SHISA8: variants seen among roughly 807,000 people sequenced by gnomAD.
SHISA8 encodes shisa family member 8, also known as protein shisa-8.
A neutral mutation model predicts 21.1 loss-of-function variants in SHISA8; 21 were observed. The observed-to-expected ratio is 0.99, with a 90% CI of 0.71 to 1.43. The LOEUF is 1.43. Ranked by LOEUF, SHISA8 falls within the 40% of genes most tolerant of loss-of-function variation. The pLI is 0.00. For synonymous variants in SHISA8, 300 were observed against 291.4 expected, an observed-to-expected ratio of 1.03 and a Z score of -0.30; for missense variants, 535 against 599.1, an observed-to-expected ratio of 0.89 and a Z score of 1.12.
chr22:41,910,656 C>A lies in SHISA8; in HGVS notation c.665-102G>T. On this transcript the variant is annotated intron_variant, in intron 2 of 3. Transcript: ENST00000621082. The surrounding 1 kb of genome is among the most constrained non-coding windows in gnomAD (Gnocchi z 6.8). Reference sequence around the variant, plus strand: ...TCTCCCCGAGGCCGTTCGGTGAGAACCTGGGGGACCGTTCTCCGGGCGAGG... The same window carrying A: ...TCTCCCCGAGGCCGTTCGGTGAGAAACTGGGGGACCGTTCTCCGGGCGAGG... 8.5e-7 allele frequency: 1 copy of A among 1,181,328 alleles called. No homozygotes were observed. Among genetic ancestry groups the A allele is most frequent in the Non-Finnish European group, 1.1e-6 (1 of 949,216 alleles). 73.2% of individuals were successfully genotyped at this position (1,181,328 alleles called of 1,614,324 possible).
chr22:41,914,631 G>T lies in SHISA8; in HGVS notation c.37C>A (p.Arg13Ser). Residue 13 changes from arginine to serine, a missense_variant, in exon 1 of 4, where the codon CGC becomes AGC. Transcript: ENST00000621082. The surrounding 1 kb of genome is among the most constrained non-coding windows in gnomAD (Gnocchi z 6.8). ...GCGAGCCGGAGGCCGGGAGGACGGC[G>T]GCCGCCGAGCAGTCCCCGCGCCCCG... ...RAGARGLLGG[R>S]RPPGLRLALA... 9.6e-7 allele frequency: 1 copy of T among 1,045,980 alleles called. No individual in the cohort carries two copies. 64.8% of individuals were successfully genotyped at this position (1,045,980 alleles called of 1,614,324 possible).
rs1166408642 is a variant in SHISA8, at chr22:41,910,249, G to C, written c.812-102C>G. On this transcript the variant is annotated intron_variant, in intron 3 of 3. Transcript: ENST00000621082. This position sits in a 1 kb window ranked among gnomAD's most constrained non-coding sequence, Gnocchi z 6.8. ...GGACTGGGACGGGGACCGGGCCGGG[G>C]CGGGCCGGGGGCGGGGCCCGCTGGG... 5.7e-6 allele frequency: 7 copies of C among 1,224,350 alleles called. No homozygotes were observed. Among genetic ancestry groups the C allele is most frequent in the Non-Finnish European group, 6.1e-6 (6 of 981,842 alleles). The allele number at this position is 1,224,350 out of a possible 1,614,324, so 75.8% of individuals were successfully genotyped here.
Position 41,910,533 on chromosome 22 carries a change from G to A in SHISA8, c.686C>T (p.Ala229Val), listed in dbSNP as rs2077544043. Residue 229 changes from alanine to valine, a missense_variant, in exon 3 of 4, where the codon GCG (alanine) becomes GTG (valine). By Grantham distance (64) the Ala-to-Val change is moderately conservative. Coordinates refer to ENST00000621082, the MANE Select transcript of SHISA8 (RefSeq NM_001207020.3). This position sits in a 1 kb window ranked among gnomAD's most constrained non-coding sequence, Gnocchi z 6.8. Reference sequence around the variant, plus strand: ...CCCCGGGGCGGCCGACCCCCGGGGCGCGTTGTTGAGGCGCTTCTTGTCTGG... The same window carrying A: ...CCCCGGGGCGGCCGACCCCCGGGGCACGTTGTTGAGGCGCTTCTTGTCTGG... ...NSADKKRLNN[A>V]PRGSAAPGPP... The A allele has an allele frequency of 1.6e-6, 2 of 1,242,206 alleles. No homozygotes were observed. Among genetic ancestry groups the A allele is most frequent in the East Asian group, 3.2e-5 (1 of 31,122 alleles). 76.9% of individuals were successfully genotyped at this position (1,242,206 alleles called of 1,614,324 possible).
Position 41,910,365 on chromosome 22 carries a change from CGTGCGCCCAG to C in SHISA8, c.811+33_811+42del, listed in dbSNP as rs146103768. The C allele has an allele frequency of 0.14, 181,353 of 1,274,404 alleles. 14,629 individuals are homozygous for C. The highest frequency in any genetic ancestry group is 0.32 in the Admixed American group (7,736 of 23,816). The allele number at this position is 1,274,404 out of a possible 1,614,324, so 78.9% of individuals were successfully genotyped here. ...CCCCGCGCTTCGCAGTCCGGGAGCTCGTGCGCCCAGGTGCCCTGACGCTGCCCGCACCCGC... is the reference window on the plus strand; with the variant it reads ...CCCCGCGCTTCGCAGTCCGGGAGCTCGTGCCCTGACGCTGCCCGCACCCGC... On this transcript the variant is annotated intron_variant, in intron 3 of 3. Transcript: ENST00000621082. This position sits in a 1 kb window ranked among gnomAD's most constrained non-coding sequence, Gnocchi z 6.8.
At chr22:41,913,438 T>C (rs2077564366) in intron 1 of SHISA8, among the ~76,000 whole-genome samples, 1 of 151,880 alleles carries the variant, frequency 6.6e-6, no homozygotes, top group African/African-American at 2.4e-5. Context: ...ACACATAGAG[T>C]CCTAGAGTCC....
Position 41,914,497 on chromosome 22 carries a change from G to GC in SHISA8, c.170dup (p.Asp58ArgfsTer310), listed in dbSNP as rs1267497564. ...CGTCGTAGTAGCCGCGGCAGCGGTC[G>GC]CCCCCCTCCGGGGCTGTCGTGCCGG... On this transcript the variant is annotated frameshift_variant, in exon 1 of 4. Coordinates refer to ENST00000621082, the MANE Select transcript of SHISA8 (RefSeq NM_001207020.3). LOFTEE classifies it high-confidence loss of function. The surrounding 1 kb of genome is among the most constrained non-coding windows in gnomAD (Gnocchi z 6.8). The GC allele has an allele frequency of 1.6e-6, 2 of 1,281,594 alleles. No homozygotes were observed. Among genetic ancestry groups the GC allele is most frequent in the Non-Finnish European group, 9.9e-7 (1 of 1,012,426 alleles). 79.4% of individuals were successfully genotyped at this position (1,281,594 alleles called of 1,614,324 possible).
chr22:41,910,203 T>C lies in SHISA8; in HGVS notation c.812-56A>G. The C allele has an allele frequency of 8.2e-7, 1 of 1,225,756 alleles. No individual in the cohort carries two copies. The highest frequency in any genetic ancestry group is 1.0e-6 in the Non-Finnish European group (1 of 984,988). 75.9% of individuals were successfully genotyped at this position (1,225,756 alleles called of 1,614,324 possible). A position where few individuals can be genotyped will look rare whatever the true frequency, so the allele number is the denominator to read the frequency against. On this transcript the variant is annotated intron_variant, in intron 3 of 3. Coordinates refer to ENST00000621082, the MANE Select transcript of SHISA8 (RefSeq NM_001207020.3). The surrounding 1 kb of genome is among the most constrained non-coding windows in gnomAD (Gnocchi z 6.8). ...CGCGCCGAGCACCCAAGCTCAGGAC[T>C]GGACAAGGGGTCCCGGCCGGGGACT...
At chr22:41,911,167 C>T (rs973323620) in intron 2 of SHISA8, 49 bp downstream of exon 2, 1 of 1,255,702 alleles carries the variant, frequency 8.0e-7, no homozygotes, top group Non-Finnish European at 1.0e-6. Flanking sequence ...GCCTCTCACG[C>T]CCCTCCGCGT....
rs1481363867 is a variant in SHISA8, at chr22:41,910,530, G to C, written c.689C>G (p.Pro230Arg). Reference protein sequence around the residue: ...SADKKRLNNAPRGSAAPGPPR... With the variant: ...SADKKRLNNARRGSAAPGPPR... ...GGGCCCCGGGGCGGCCGACCCCCGGGGCGCGTTGTTGAGGCGCTTCTTGTC... is the reference window on the plus strand; with the variant it reads ...GGGCCCCGGGGCGGCCGACCCCCGGCGCGCGTTGTTGAGGCGCTTCTTGTC... Residue 230 changes from proline to arginine, a missense_variant, in exon 3 of 4, where the codon CCC becomes CGC. Pro to Arg is a moderately radical substitution (Grantham distance 103). Coordinates refer to ENST00000621082, the MANE Select transcript of SHISA8 (RefSeq NM_001207020.3). This position sits in a 1 kb window ranked among gnomAD's most constrained non-coding sequence, Gnocchi z 6.8. The C allele has an allele frequency of 8.0e-7, 1 of 1,242,890 alleles. No individual in the cohort carries two copies. Among genetic ancestry groups the C allele is most frequent in the African/African-American group, 1.6e-5 (1 of 63,964 alleles). 77.0% of individuals were successfully genotyped at this position (1,242,890 alleles called of 1,614,324 possible).
Position 41,914,487 on chromosome 22 carries a change from G to A in SHISA8, c.181C>T (p.Arg61Cys). ...TGGCCCATCACGTCGTAGTAGCCGC[G>A]GCAGCGGTCGCCCCCCTCCGGGGCT... Reference protein sequence around the residue: ...TTAPEGGDRCRGYYDVMGQWD... With the variant: ...TTAPEGGDRCCGYYDVMGQWD... The change falls in exon 1 of 4, where the codon CGC (arginine) becomes TGC (cysteine). Residue 61 changes from arginine (R) to cysteine (C), a missense_variant. Coordinates refer to ENST00000621082, the MANE Select transcript of SHISA8 (RefSeq NM_001207020.3). This position sits in a 1 kb window ranked among gnomAD's most constrained non-coding sequence, Gnocchi z 6.8. 1 of 1,295,852 alleles carries A rather than the reference G, an allele frequency of 7.7e-7. No individual in the cohort carries two copies. The highest frequency in any genetic ancestry group is 9.8e-7 in the Non-Finnish European group (1 of 1,019,208). The allele number at this position is 1,295,852 out of a possible 1,614,324, so 80.3% of individuals were successfully genotyped here. A position where few individuals can be genotyped will look rare whatever the true frequency, so the allele number is the denominator to read the frequency against.
chr22:41,911,453 C>G, intron 1 of SHISA8, 104 bp from the exon 2 acceptor site: 5 of 1,186,104 alleles, frequency 4.2e-6, no homozygotes, highest in Non-Finnish European at 5.3e-6. Flanking sequence ...TTCTTTCGGC[C>G]TCTCCAGGCC....
In SHISA8 at chr22:41,910,890, G is replaced by A. The variant is rs1418735006; in HGVS notation, c.664+326C>T. Among the ~76,000 whole-genome samples, 4 of 152,060 alleles carry A rather than the reference G, an allele frequency of 2.6e-5. No homozygotes were observed. The highest frequency in any genetic ancestry group is 6.5e-5 in the Admixed American group (1 of 15,274). ...CTGAGGAACAGAACCCAGACGGGGC[G>A]TGGGGGCTGCCAAGCCTGCCTGCCT... On this transcript the variant is annotated intron_variant, in intron 2 of 3. Transcript: ENST00000621082. The surrounding 1 kb of genome is among the most constrained non-coding windows in gnomAD (Gnocchi z 6.8).
chr22:41,911,451 G>A (rs1322417358), intron 1 of SHISA8, 102 bp from the exon 2 acceptor site: 7 of 1,182,828 alleles, frequency 5.9e-6, no homozygotes, highest in Non-Finnish European at 5.3e-6. Context: ...AGTTCTTTCG[G>A]CCTCTCCAGG....
In SHISA8 at chr22:41,910,204, G is replaced by C; in HGVS notation, c.812-57C>G. ...GCGCCGAGCACCCAAGCTCAGGACT[G>C]GACAAGGGGTCCCGGCCGGGGACTG... On this transcript the variant is annotated intron_variant, in intron 3 of 3. Coordinates refer to ENST00000621082, the MANE Select transcript of SHISA8 (RefSeq NM_001207020.3). This position sits in a 1 kb window ranked among gnomAD's most constrained non-coding sequence, Gnocchi z 6.8. 4.9e-6 allele frequency: 6 copies of C among 1,229,196 alleles called. No individual in the cohort carries two copies. Among genetic ancestry groups the C allele is most frequent in the Non-Finnish European group, 6.1e-6 (6 of 986,582 alleles). The allele number at this position is 1,229,196 out of a possible 1,614,324, so 76.1% of individuals were successfully genotyped here.
rs2077538440 is a variant in SHISA8, at chr22:41,910,098, G to A, written c.861C>T (p.Ser287=). 2 of 1,239,630 alleles carry A rather than the reference G, an allele frequency of 1.6e-6. No individual in the cohort carries two copies. The highest frequency in any genetic ancestry group is 3.9e-5 in the South Asian group (1 of 25,716). The allele number at this position is 1,239,630 out of a possible 1,614,324, so 76.8% of individuals were successfully genotyped here. ...FCQRFPALEP[S]PRQPPARAPR... is the part of the protein sequence containing the mutation. ...GAGCCCGCGCCGGGGGTTGCCGCGGGGACGGCTCGAGGGCGGGGAAACGCT... is the reference window on the plus strand; with the variant it reads ...GAGCCCGCGCCGGGGGTTGCCGCGGAGACGGCTCGAGGGCGGGGAAACGCT... The change falls in exon 4 of 4, where the codon TCC becomes TCT. Residue 287 remains serine (S), a synonymous_variant. Transcript: ENST00000621082. This position sits in a 1 kb window ranked among gnomAD's most constrained non-coding sequence, Gnocchi z 6.8.
rs2077535101 is a variant in SHISA8, at chr22:41,909,840, G to A, written c.1119C>T (p.Leu373=). 2.6e-6 allele frequency: 4 copies of A among 1,529,506 alleles called. No individual in the cohort carries two copies. In the East Asian group the frequency reaches 7.4e-5, roughly 28 times the overall value. 94.7% of individuals were successfully genotyped at this position (1,529,506 alleles called of 1,614,324 possible). A position where few individuals can be genotyped will look rare whatever the true frequency, so the allele number is the denominator to read the frequency against. Residue 373 remains leucine, a synonymous_variant, in exon 4 of 4, where the codon CTC becomes CTT. Transcript: ENST00000621082. ...VKMPETFNPQ[L]PGLYGSAGRG... Reference sequence around the variant, plus strand: ...GGCCCGCGCTGCCGTAAAGGCCGGGGAGCTGCGGGTTGAAGGTCTCAGGCA... The same window carrying A: ...GGCCCGCGCTGCCGTAAAGGCCGGGAAGCTGCGGGTTGAAGGTCTCAGGCA...
Position 41,911,247 on chromosome 22 carries a change from G to T in SHISA8, c.633C>A (p.Gly211=). The change falls in exon 2 of 4, where the codon GGC becomes GGA. Residue 211 remains glycine, a synonymous_variant. Transcript: ENST00000621082. ...TGTTGTGGGGGGAGCCCCGGGGGAG[G>T]CCGTCCCCCATCTGCACCTGGACAC... is the stretch of plus-strand genomic sequence containing the variant. The part of the protein sequence containing the change: ...GGCVQVQMGD[G]LPRGSPHNSA... 3 of 1,283,676 alleles carry T rather than the reference G, an allele frequency of 2.3e-6. No homozygotes were observed. The highest frequency in any genetic ancestry group is 2.3e-4 in the Middle Eastern group (1 of 4,284). The allele number at this position is 1,283,676 out of a possible 1,614,324, so 79.5% of individuals were successfully genotyped here. A position where few individuals can be genotyped will look rare whatever the true frequency, so the allele number is the denominator to read the frequency against.
chr22:41,910,504 G>T lies in SHISA8; in HGVS notation c.715C>A (p.Pro239Thr). 1.6e-6 allele frequency: 2 copies of T among 1,255,378 alleles called. No individual in the cohort carries two copies. Among genetic ancestry groups the T allele is most frequent in the Non-Finnish European group, 2.0e-6 (2 of 1,006,718 alleles). 77.8% of individuals were successfully genotyped at this position (1,255,378 alleles called of 1,614,324 possible). Residue 239 changes from proline (P) to threonine (T), a missense_variant, in exon 3 of 4, where the codon CCG (proline) becomes ACG (threonine). Pro to Thr is a conservative substitution (Grantham distance 38). Transcript: ENST00000621082. This position sits in a 1 kb window ranked among gnomAD's most constrained non-coding sequence, Gnocchi z 6.8. ...APRGSAAPGP[P>T]RGPRLQGGGS... ...CCGCCCTGCAGCCGCGGGCCGCGCG[G>T]GGGCCCCGGGGCGGCCGACCCCCGG...
chr22:41,911,517 G>A (rs1232595582), intron 1 of SHISA8, among the ~76,000 whole-genome samples, 168 bp from the exon 2 acceptor site: 1 of 152,294 alleles, frequency 6.6e-6, no homozygotes, highest in East Asian at 1.9e-4. Flanking sequence ...GGCAGTATCT[G>A]CCAGCCTCAC....
Sources: allele counts gnomAD v4.1 joint callset (sites outside exome capture counted in the v4.1 genomes callset), GRCh38; gene constraint gnomAD v4.1.1; non-coding constraint Gnocchi (gnomAD v3.1); transcripts MANE v1.5; gene names NCBI Gene and HGNC (gene_info 2026-07-23, HGNC 2026-07-21).